Variants in TESPA1 observed in about 807,000 individuals in gnomAD.
The protein encoded by TESPA1 is protein TESPA1.
In TESPA1, 33 loss-of-function variants were observed where a neutral mutation model predicts 57.9. That is an observed-to-expected ratio of 0.57 (90% CI 0.43 to 0.76). The LOEUF (loss-of-function observed/expected upper bound fraction) is 0.76. TESPA1 is among the 30% of genes least tolerant of loss of function. TESPA1 has a pLI of 0.00. For missense variants in TESPA1, 618 were observed against 632.9 expected (o/e 0.98, Z 0.25); for synonymous variants, 227 against 228.9 (o/e 0.99, Z 0.07).
chr12:54,963,637 G>A, intron 8 of TESPA1, 105 bp downstream of exon 8: 1 of 1,237,840 alleles, frequency 8.1e-7, no homozygotes, highest in South Asian at 1.4e-5. Context: ...AATAGGCAAA[G>A]GGTTAAAGAT....
chr12:54,963,186 A>G lies in TESPA1; in HGVS notation c.712T>C (p.Tyr238His). 6.2e-7 allele frequency: 1 copy of G among 1,613,898 alleles called. No homozygotes were observed. The highest frequency in any genetic ancestry group is 8.5e-7 in the Non-Finnish European group (1 of 1,179,858). ...AVTADAFFCLYSYVSKTPVQK... is the reference protein window; with the variant it reads ...AVTADAFFCLHSYVSKTPVQK... Reference sequence around the variant, plus strand: ...ACAGGTGTCTTAGACACATAGGAGTAGAGACAGAAGAAGGCATCAGCAGTG... The same window carrying G: ...ACAGGTGTCTTAGACACATAGGAGTGGAGACAGAAGAAGGCATCAGCAGTG... Residue 238 changes from tyrosine (Y) to histidine (H), a missense_variant, in exon 9 of 11, where the codon TAC becomes CAC. By Grantham distance (83) the Tyr-to-His change is moderately conservative. This residue lies in a region of TESPA1 where 409 missense variants were observed against 420.1 expected (regional missense o/e 0.97). Transcript: ENST00000449076.
intron 3 of TESPA1, among the ~76,000 whole-genome samples, chr12:54,972,280 A>T (rs1396562835): frequency 6.6e-6 from 1 of 152,194 alleles, no homozygotes; most frequent in Non-Finnish European, 1.5e-5. Context: ...ATTAGAACGA[A>T]ATATGTTCTA....
intron 4 of TESPA1, among the ~76,000 whole-genome samples, chr12:54,967,482 T>C (rs1158102878): frequency 6.6e-6 from 1 of 151,846 alleles, no homozygotes; most frequent in Non-Finnish European, 1.5e-5. Context: ...TTCCCCTATA[T>C]CACATAGTTA....
chr12:54,973,764 G>T (rs1365566874), intron 2 of TESPA1: 1 of 1,265,050 alleles, frequency 7.9e-7, no homozygotes, highest in African/African-American at 1.5e-5. Flanking sequence ...AAGATGTCAG[G>T]CCCACTGCTG....
intron 7 of TESPA1, among the ~76,000 whole-genome samples, chr12:54,965,580 C>A (rs57441559): frequency 0.012 from 1,832 of 152,262 alleles, 42 homozygotes; most frequent in African/African-American, 0.042. Flanking sequence ...TTTTCTTTAT[C>A]CAGTCTATCA....
intron 3 of TESPA1, among the ~76,000 whole-genome samples, chr12:54,970,800 G>T (rs1192907725): frequency 1.3e-5 from 2 of 152,216 alleles, no homozygotes; most frequent in African/African-American, 4.8e-5. Flanking sequence ...ACAAATAGTA[G>T]GGAGGAGGGG....
intron 3 of TESPA1, among the ~76,000 whole-genome samples, chr12:54,972,593 T>C (rs1951900303): frequency 2.0e-5 from 3 of 152,172 alleles, no homozygotes; most frequent in Admixed American, 1.3e-4. Flanking sequence ...GAATTATGAA[T>C]AAGATGAGGG....
At chr12:54,968,142 A>G in intron 3 of TESPA1, 1 of 755,770 alleles carries the variant, frequency 1.3e-6, no homozygotes, top group Non-Finnish European at 2.0e-6. Flanking sequence ...CCACAGGACT[A>G]AAGGACGAAA....
intron 1 of TESPA1, 124 bp from the exon 2 acceptor site, chr12:54,974,731 A>C: frequency 1.8e-6 from 1 of 568,070 alleles, no homozygotes; most frequent in Non-Finnish European, 2.7e-6. Context: ...ACCATTCAAA[A>C]GCAGGGAGGA....
chr12:54,978,179 G>A (rs1952200496), intron 1 of TESPA1, among the ~76,000 whole-genome samples: 1 of 152,170 alleles, frequency 6.6e-6, no homozygotes, highest in Admixed American at 6.5e-5. Context: ...CAAAGATATG[G>A]AGATGTTTCC....
At chr12:54,978,348 T>A (rs894512289) in intron 1 of TESPA1, among the ~76,000 whole-genome samples, 1 of 152,242 alleles carries the variant, frequency 6.6e-6, no homozygotes, top group African/African-American at 2.4e-5. Context: ...ACGGTTTCAG[T>A]TTAATCCTCT....
rs1365960762 is a variant in TESPA1 at position 54,966,072 on chromosome 12, TC to T, written c.426del (p.Thr143ProfsTer59). On this transcript the variant is annotated frameshift_variant, in exon 7 of 11. Transcript: ENST00000449076. LOFTEE classifies it high-confidence loss of function. The stretch of plus-strand genomic sequence containing the variant: ...ACCTACCTTGAACTAGTCTTGTTGG[TC>T]CCCCCAGTCATGCTGCTGGAAGCCA... ...CSLASSSMTG[G>X]TNKTSSSISE... The T allele has an allele frequency of 2.5e-6, 4 of 1,575,172 alleles. No individual in the cohort carries two copies. Among genetic ancestry groups the T allele is most frequent in the Admixed American group, 1.8e-5 (1 of 54,684 alleles).
intron 10 of TESPA1, among the ~76,000 whole-genome samples, chr12:54,955,101 T>C (rs1950649271): frequency 6.6e-6 from 1 of 152,204 alleles, no homozygotes; most frequent in South Asian, 2.1e-4. Context: ...ACACGTATCT[T>C]TCTTTTCACT....
At position 54,949,419 on chromosome 12, in the gene TESPA1, C is replaced by G. The variant is rs1357708710; in HGVS notation, c.*973G>C. ...TTCTTTTGTCTCACAATTTATTAGG[C>G]AGCCAAATAATATACTTCTGGAAAT... is the stretch of plus-strand genomic sequence containing the variant. On this transcript the variant is annotated 3_prime_UTR_variant, in exon 11 of 11. Coordinates refer to ENST00000449076, the MANE Select transcript of TESPA1 (RefSeq NM_001136030.3). 2.7e-5 allele frequency: 4 copies of G among 150,630 alleles called. No individual in the cohort carries two copies. Among genetic ancestry groups the G allele is most frequent in the African/African-American group, 9.8e-5 (4 of 40,974 alleles). The allele number at this position is 150,630 out of a possible 1,614,324, so 9.3% of individuals were successfully genotyped here.
In TESPA1 at chr12:54,948,465, T is replaced by C. The variant is rs1375865443; in HGVS notation, c.*1927A>G. 1 of 153,738 alleles carries C rather than the reference T, an allele frequency of 6.5e-6. No individual in the cohort carries two copies. The highest frequency in any genetic ancestry group is 2.4e-5 in the African/African-American group (1 of 41,450). 9.5% of individuals were successfully genotyped at this position (153,738 alleles called of 1,614,324 possible). A position where few individuals can be genotyped will look rare whatever the true frequency, so the allele number is the denominator to read the frequency against. On this transcript the variant is annotated 3_prime_UTR_variant, in exon 11 of 11. Coordinates refer to ENST00000449076, the MANE Select transcript of TESPA1 (RefSeq NM_001136030.3). ...TGGTGATTGGATTACTGGGTAGAGT[T>C]TTCATTAATCGTTTAGCACCATCTC... is the stretch of plus-strand genomic sequence containing the variant.
chr12:54,969,037 A>G (rs1156504096), intron 3 of TESPA1, among the ~76,000 whole-genome samples: 4 of 121,256 alleles, frequency 3.3e-5, no homozygotes, highest in East Asian at 1.2e-3. Flanking sequence ...ATATATATAT[A>G]TATATATATG....
intron 10 of TESPA1, among the ~76,000 whole-genome samples, chr12:54,959,466 T>C (rs1048188781): frequency 2.0e-5 from 3 of 152,244 alleles, no homozygotes; most frequent in African/African-American, 4.8e-5. Context: ...TGTGAGAACA[T>C]GGTTGAGCTC....
intron 1 of TESPA1, among the ~76,000 whole-genome samples, chr12:54,979,896 T>C (rs1565877348): frequency 6.6e-6 from 1 of 152,188 alleles, no homozygotes; most frequent in Non-Finnish European, 1.5e-5. Context: ...ATAACTGAAA[T>C]GTATAGAGTA....
intron 3 of TESPA1, among the ~76,000 whole-genome samples, chr12:54,971,253 G>A (rs1253348230): frequency 6.6e-6 from 1 of 152,248 alleles, no homozygotes; most frequent in Non-Finnish European, 1.5e-5. Context: ...AGAGTGGACA[G>A]ATAATCAGTA....
Sources: gnomAD v4.1 joint callset for allele counts (sites outside exome capture counted in the v4.1 genomes callset) on GRCh38, gnomAD v4.1.1 for gene constraint, gnomAD v4.1.1 regional missense constraint, MANE v1.5 for transcripts, NCBI Gene and HGNC (gene_info 2026-07-23, HGNC 2026-07-21) for gene names.